MYO16: variants seen among roughly 807,000 people sequenced by gnomAD.
MYO16 encodes the protein unconventional myosin-XVI.
In MYO16, 94 loss-of-function variants were observed where a neutral mutation model predicts 205.3. That is an observed-to-expected ratio of 0.46 (90% CI 0.39 to 0.54). The LOEUF is 0.54. MYO16 is among the 20% of genes least tolerant of loss of function. The pLI is 0.00. For synonymous variants in MYO16, 988 were observed against 954.0 expected (o/e 1.04, Z -0.66); for missense variants, 2,315 against 2,387.5 (o/e 0.97, Z 0.63).
intron 20 of MYO16, among the ~76,000 whole-genome samples, chr13:108,969,974 T>C (rs1175662130): frequency 6.6e-6 from 1 of 152,228 alleles, no homozygotes; most frequent in African/African-American, 2.4e-5. Context: ...TTTGTGATAC[T>C]AGCTGGCTGT....
intron 16 of MYO16, among the ~76,000 whole-genome samples, chr13:108,950,404 T>C (rs1471809806): frequency 6.6e-6 from 1 of 152,170 alleles, no homozygotes; most frequent in Non-Finnish European, 1.5e-5. Context: ...TTTCACCAAA[T>C]ATGAATATAC....
chr13:108,955,119 G>A (rs1883299499), intron 16 of MYO16, among the ~76,000 whole-genome samples: 1 of 152,138 alleles, frequency 6.6e-6, no homozygotes, highest in African/African-American at 2.4e-5. Flanking sequence ...ACAACCATTG[G>A]TTGCCCTGCT....
At chr13:108,693,581 T>C (rs1309914102) in intron 2 of MYO16, among the ~76,000 whole-genome samples, 1 of 152,244 alleles carries the variant, frequency 6.6e-6, no homozygotes, top group Non-Finnish European at 1.5e-5. Flanking sequence ...TTTCTTATAA[T>C]AACATTCCAT....
At chr13:108,635,824 C>T (rs184377834) in intron 1 of MYO16, among the ~76,000 whole-genome samples, 54 of 152,048 alleles carry the variant, frequency 3.6e-4, no homozygotes, top group African/African-American at 1.2e-3. Context: ...TGACTTTTGC[C>T]TTTGTTTTGG....
At chr13:108,718,555 G>A (rs1338835911) in intron 3 of MYO16, among the ~76,000 whole-genome samples, 3 of 151,912 alleles carry the variant, frequency 2.0e-5, no homozygotes, top group African/African-American at 7.2e-5. Context: ...AGGCAGGCAA[G>A]GGGCAGGAAA....
chr13:108,849,501 CTT>C (rs564969553), intron 10 of MYO16, among the ~76,000 whole-genome samples: 3 of 141,018 alleles, frequency 2.1e-5, no homozygotes, highest in South Asian at 2.2e-4. Context: ...AACACACAGT[CTT>C]TTTTTTTTTT....
At chr13:108,646,634 A>G (rs949850452) in intron 1 of MYO16, among the ~76,000 whole-genome samples, 2 of 152,196 alleles carry the variant, frequency 1.3e-5, no homozygotes, top group Non-Finnish European at 2.9e-5. Flanking sequence ...TTCTCCTTCC[A>G]TCTGAGTGAA....
chr13:108,663,015 C>T (rs1380155773), intron 1 of MYO16, among the ~76,000 whole-genome samples: 2 of 152,166 alleles, frequency 1.3e-5, no homozygotes, highest in African/African-American at 4.8e-5. Context: ...CACAGACAGA[C>T]CTTCACCTTC....
At chr13:108,727,678 G>T in intron 4 of MYO16, 95 bp downstream of exon 4, 3 of 1,419,340 alleles carry the variant, frequency 2.1e-6, no homozygotes, top group Non-Finnish European at 1.9e-6. Flanking sequence ...GTAATATTTT[G>T]GTTGAGAAAA....
chr13:108,900,112 G>A (rs1286102458), intron 15 of MYO16, among the ~76,000 whole-genome samples: 1 of 152,170 alleles, frequency 6.6e-6, no homozygotes, highest in Non-Finnish European at 1.5e-5. Flanking sequence ...TTCTGAAGGT[G>A]TCATCCATTA....
intron 22 of MYO16, among the ~76,000 whole-genome samples, chr13:109,012,779 G>GTGTGTA (rs143999280): frequency 1.4e-5 from 2 of 146,612 alleles, no homozygotes; most frequent in East Asian, 2.0e-4. Flanking sequence ...ATGTGTGTGT[G>GTGTGTA]TATATATATA....
intron 2 of MYO16, among the ~76,000 whole-genome samples, chr13:108,706,363 A>G (rs1218307112): frequency 2.0e-5 from 3 of 152,224 alleles, no homozygotes; most frequent in Admixed American, 2.0e-4. Flanking sequence ...TATAAGGAAC[A>G]TGATGATAAT....
At chr13:108,497,879 G>C in the MYO16 span, among the ~76,000 whole-genome samples, 1 of 151,906 alleles carries the variant, frequency 6.6e-6, no homozygotes, top group East Asian at 1.9e-4. Context: ...GTTGGCTGCA[G>C]AACCCCAGTG....
At chr13:109,059,316 A>G (rs1302146758) in intron 27 of MYO16, among the ~76,000 whole-genome samples, 1 of 152,200 alleles carries the variant, frequency 6.6e-6, no homozygotes, top group African/African-American at 2.4e-5. Flanking sequence ...TAGAGAATCT[A>G]TTCTTACATA....
intron 2 of MYO16, among the ~76,000 whole-genome samples, chr13:108,693,481 A>G (rs1387604823): frequency 6.6e-6 from 1 of 152,226 alleles, no homozygotes; most frequent in Non-Finnish European, 1.5e-5. Flanking sequence ...AAGAGAAATT[A>G]CACCATATAT....
chr13:109,086,551 A>G lies in MYO16; in HGVS notation c.3336-14234A>G, dbSNP rs1190790919. ...TTTTTGAATTTTGATCTTCATTACC[A>G]TTATTAGTGCCTATCAGTGAATGAT... On this transcript the variant is annotated intron_variant, in intron 27 of 34. Coordinates refer to ENST00000457511, the MANE Select transcript of MYO16 (RefSeq NM_001198950.3). 3.3e-5 allele frequency among the ~76,000 whole-genome samples: 5 copies of G among 152,194 alleles called. No individual in the cohort carries two copies. In the East Asian group the frequency reaches 9.6e-4, roughly 29 times the overall value.
intron 20 of MYO16, among the ~76,000 whole-genome samples, chr13:108,976,310 A>T (rs983216744): frequency 1.3e-5 from 2 of 152,156 alleles, no homozygotes; most frequent in African/African-American, 4.8e-5. Flanking sequence ...AATTGCTGTT[A>T]AACATTTGGA....
intron 34 of MYO16, among the ~76,000 whole-genome samples, chr13:109,184,383 A>G (rs1466755976): frequency 2.0e-5 from 3 of 152,340 alleles, no homozygotes; most frequent in Non-Finnish European, 4.4e-5. Context: ...GGTCATGTCC[A>G]GTAGAGATAA....
Position 109,052,543 on chromosome 13 carries a change from T to TA in MYO16, c.3048+76dup, listed in dbSNP as rs371338013. ...ATAAGTATATTTGCTTCTTTTTTTT[T>TA]AAAAAAAAGCACAATTTTAAATACC... On this transcript the variant is annotated intron_variant, in intron 25 of 34. Transcript: ENST00000457511. 449 of 1,197,604 alleles carry TA rather than the reference T, an allele frequency of 3.7e-4. 1 individual carries two copies. The highest frequency in any genetic ancestry group is 1.1e-3 in the South Asian group (73 of 68,094). The allele number at this position is 1,197,604 out of a possible 1,614,324, so 74.2% of individuals were successfully genotyped here.
Sources: allele counts gnomAD v4.1 joint callset (sites outside exome capture counted in the v4.1 genomes callset), GRCh38; gene constraint gnomAD v4.1.1; transcripts MANE v1.5; gene names NCBI Gene and HGNC (gene_info 2026-07-23, HGNC 2026-07-21).